CABIN1: variants seen among roughly 807,000 people sequenced by gnomAD.
CABIN1 encodes the protein calcineurin binding protein 1.
In CABIN1, 133 loss-of-function variants were observed where a neutral mutation model predicts 227.7. The observed-to-expected ratio is 0.58, with a 90% CI of 0.51 to 0.67. The LOEUF (loss-of-function observed/expected upper bound fraction) is 0.67. Among genes scored for constraint, CABIN1 ranks in the 30% least tolerant of loss-of-function variants. The probability of loss-of-function intolerance (pLI) is 0.00; values close to 1 mark genes in which losing one functional copy is unlikely to be tolerated. For synonymous variants in CABIN1, 1,086 were observed against 1,155.1 expected, an observed-to-expected ratio of 0.94 and a Z score of 1.21; for missense variants, 2,408 against 2,852.5, an observed-to-expected ratio of 0.84 and a Z score of 3.55.
chr22:24,063,492 G>A (rs866439088), intron 14 of CABIN1, among the ~76,000 whole-genome samples: 1 of 152,192 alleles, frequency 6.6e-6, no homozygotes, highest in Non-Finnish European at 1.5e-5. Context: ...GCCCGAGCAA[G>A]TGAATAAACA....
chr22:24,177,671 A>G lies in CABIN1; in HGVS notation c.6373A>G (p.Lys2125Glu). 1 of 1,613,734 alleles carries G rather than the reference A, an allele frequency of 6.2e-7. No individual in the cohort carries two copies. The highest frequency in any genetic ancestry group is 8.5e-7 in the Non-Finnish European group (1 of 1,179,862). ...HPGKPEPSRA[K>E]SRPLPNMPKL... ...AGGCAAGCCTGAGCCCAGCCGGGCT[A>G]AGTCCCGCCCCCTGCCCAACATGCC... Residue 2125 changes from lysine to glutamate, a missense_variant, in exon 36 of 37, where the codon AAG (lysine) becomes GAG (glutamate). Transcript: ENST00000263119. The surrounding 1 kb of genome is among the most constrained non-coding windows in gnomAD (Gnocchi z 4.4).
chr22:24,021,219 T>C (rs1443394652), intron 1 of CABIN1, among the ~76,000 whole-genome samples: 3 of 151,914 alleles, frequency 2.0e-5, no homozygotes, highest in Non-Finnish European at 2.9e-5. Flanking sequence ...GGGGTCTCAC[T>C]ATCTTGCCCA....
intron 26 of CABIN1, among the ~76,000 whole-genome samples, chr22:24,107,344 A>G (rs577939268): frequency 3.2e-4 from 48 of 152,224 alleles, no homozygotes; most frequent in African/African-American, 1.0e-3. Context: ...GCCAGTACCA[A>G]TCTCTGCTCT....
intron 28 of CABIN1, among the ~76,000 whole-genome samples, chr22:24,132,574 G>A (rs1373858485): frequency 6.6e-6 from 1 of 152,088 alleles, no homozygotes; most frequent in East Asian, 1.9e-4. Flanking sequence ...ACGTTTTTCT[G>A]TTTGTTTTGC....
intron 28 of CABIN1, among the ~76,000 whole-genome samples, chr22:24,127,943 T>C (rs1158497561): frequency 6.6e-6 from 1 of 152,144 alleles, no homozygotes; most frequent in African/African-American, 2.4e-5. Flanking sequence ...TTCTCTGTTG[T>C]GGGGATGTTG....
chr22:24,170,531 A>G (rs576543368), intron 33 of CABIN1, among the ~76,000 whole-genome samples: 13 of 152,232 alleles, frequency 8.5e-5, no homozygotes, highest in African/African-American at 2.9e-4. Flanking sequence ...GCAGGCCCGC[A>G]GGGCCCGAGA....
At chr22:24,072,219 G>GTGCCCACA in intron 17 of CABIN1, 135 bp from the exon 18 acceptor site, 1 of 809,138 alleles carries the variant, frequency 1.2e-6, no homozygotes, top group East Asian at 2.7e-5. Flanking sequence ...CTAGGTTACA[G>GTGCCCACA]TGCCCACATC....
intron 28 of CABIN1, 58 bp downstream of exon 28, chr22:24,119,756 G>T (rs2043292126): frequency 3.4e-6 from 5 of 1,490,986 alleles, no homozygotes; most frequent in Non-Finnish European, 4.7e-6. Flanking sequence ...GGGCATCTTT[G>T]AAGGTTGGTG....
intron 19 of CABIN1, among the ~76,000 whole-genome samples, chr22:24,078,526 A>C (rs532746893): frequency 6.6e-6 from 1 of 152,254 alleles, no homozygotes; most frequent in South Asian, 2.1e-4. Context: ...TTATTTTCTT[A>C]GATAGAATGG....
At chr22:24,138,351 TGCACCACCATGCCCA>T (rs1746737535) in intron 29 of CABIN1, among the ~76,000 whole-genome samples, 1 of 152,178 alleles carries the variant, frequency 6.6e-6, no homozygotes, top group Non-Finnish European at 1.5e-5. Context: ...ACTACAGACA[TGCACCACCATGCCCA>T]GCCAATTTTT....
intron 20 of CABIN1, among the ~76,000 whole-genome samples, chr22:24,084,259 G>A (rs1180573181): frequency 6.7e-6 from 1 of 149,050 alleles, no homozygotes; most frequent in East Asian, 2.0e-4. Context: ...TTTTTTTTGA[G>A]ATGGAGTCTC....
At chr22:24,172,287 T>G (rs542086636) in intron 34 of CABIN1, among the ~76,000 whole-genome samples, 1 of 152,350 alleles carries the variant, frequency 6.6e-6, no homozygotes, top group South Asian at 2.1e-4. Flanking sequence ...ACGTGTTTGC[T>G]ACTGTTTCCT....
chr22:24,041,108 A>G (rs369637130), intron 4 of CABIN1, 31 bp from the exon 5 acceptor site: 16 of 1,614,044 alleles, frequency 9.9e-6, no homozygotes, highest in Non-Finnish European at 1.3e-5. Flanking sequence ...TTCAAGGTCT[A>G]GTTGTCACTT....
chr22:24,041,804 A>C (rs374807957), intron 5 of CABIN1, among the ~76,000 whole-genome samples: 2 of 152,236 alleles, frequency 1.3e-5, no homozygotes, highest in Non-Finnish European at 2.9e-5. Flanking sequence ...TCCTCATGCC[A>C]TCTTGCAAGG....
rs9620357 is a variant in CABIN1, at chr22:24,113,868, C to T, written c.4300+120C>T. 23,506 of 1,033,674 alleles carry T rather than the reference C, an allele frequency of 0.023. 521 individuals are homozygous for T. Among genetic ancestry groups the T allele is most frequent in the African/African-American group, 0.099 (6,197 of 62,734 alleles). The allele number at this position is 1,033,674 out of a possible 1,614,324, so 64.0% of individuals were successfully genotyped here. On this transcript the variant is annotated intron_variant, in intron 27 of 36. Coordinates refer to ENST00000263119, the MANE Select transcript of CABIN1 (RefSeq NM_012295.4). ...GGCAAGTCACTTACTCCCTGGGCCT[C>T]CATTTTTCTCCCTGTAGGATGAGAA...
chr22:24,160,682 C>T (rs937133036), intron 29 of CABIN1, among the ~76,000 whole-genome samples: 1 of 152,226 alleles, frequency 6.6e-6, no homozygotes, highest in Admixed American at 6.5e-5. Flanking sequence ...CTGGAGACAG[C>T]ATGAGCCATG....
rs2046333940 is a variant in CABIN1 at position 24,164,429 on chromosome 22, T to C, written c.4776T>C (p.Ile1592=). 1 of 1,605,044 alleles carries C rather than the reference T, an allele frequency of 6.2e-7. No individual in the cohort carries two copies. ...TCTGGCGGATCCCCGTGGACGAGAT[T>C]GACCGGCCGGGCAGCTTTGCCTGGC... ...NGIWRIPVDE[I]DRPGSFAWHM... The change falls in exon 30 of 37, where the codon ATT becomes ATC. Residue 1592 remains isoleucine (I), a synonymous_variant. Coordinates refer to ENST00000263119, the MANE Select transcript of CABIN1 (RefSeq NM_012295.4).
At chr22:24,146,278 A>G (rs2045109009) in intron 29 of CABIN1, among the ~76,000 whole-genome samples, 1 of 152,234 alleles carries the variant, frequency 6.6e-6, no homozygotes, top group Non-Finnish European at 1.5e-5. Flanking sequence ...CAAGTTCTCC[A>G]GGGAAAAAAG....
At position 24,178,073 on chromosome 22, in the gene CABIN1, G is replaced by T; in HGVS notation, c.6540G>T (p.Gln2180His). 1.9e-6 allele frequency: 3 copies of T among 1,613,800 alleles called. No homozygotes were observed. Among genetic ancestry groups the T allele is most frequent in the Non-Finnish European group, 2.5e-6 (3 of 1,179,968 alleles). Residue 2180 changes from glutamine (Q) to histidine (H), a missense_variant, in exon 37 of 37, where the codon CAG (glutamine) becomes CAT (histidine). Physicochemically the swap from Gln to His is conservative, Grantham distance 24. Around this residue, in one of 3 missense-constraint regions of CABIN1, gnomAD observed 714 missense variants for 773.8 expected, o/e 0.92. Coordinates refer to ENST00000263119, the MANE Select transcript of CABIN1 (RefSeq NM_012295.4). ...CGCAGTCAGCCATCCTTTCTGCCCA[G>T]TCTGCTGCCAACGTGAGGAAGGAGA... ...QKLKSAILSA[Q>H]SAANVRKESL...
Sources: allele counts gnomAD v4.1 joint callset (sites outside exome capture counted in the v4.1 genomes callset), GRCh38; gene constraint gnomAD v4.1.1; regional missense constraint gnomAD v4.1.1; non-coding constraint Gnocchi (gnomAD v3.1); transcripts MANE v1.5; gene names NCBI Gene and HGNC (gene_info 2026-07-23, HGNC 2026-07-21).